MDGA2: variants seen among roughly 807,000 people sequenced by gnomAD.
MDGA2 encodes MAM domain-containing glycosylphosphatidylinositol anchor protein 2.
Under a neutral mutation model 117.8 loss-of-function variants are expected in MDGA2, and 40 were observed. That is an observed-to-expected ratio of 0.34 (90% CI 0.26 to 0.44). MDGA2 has a LOEUF of 0.44. MDGA2 is among the 20% of genes least tolerant of loss of function. The pLI is 1.00. For missense variants in MDGA2, 1,123 were observed against 1,250.6 expected (o/e 0.90, Z 1.54); for synonymous variants, 452 against 439.0 (o/e 1.03, Z -0.37).
At chr14:47,610,410 A>AATGAT (rs1896826029) in intron 1 of MDGA2, among the ~76,000 whole-genome samples, 5 of 152,110 alleles carry the variant, frequency 3.3e-5, no homozygotes, top group Non-Finnish European at 7.4e-5. Flanking sequence ...TTTATCGTGA[A>AATGAT]AACCCTAATG....
At chr14:47,328,340 A>C (rs549685712) in intron 1 of MDGA2, among the ~76,000 whole-genome samples, 1 of 152,152 alleles carries the variant, frequency 6.6e-6, no homozygotes, top group Non-Finnish European at 1.5e-5. Context: ...TAACTCAGGG[A>C]AACTTTAATG....
chr14:47,059,531 T>C (rs1430378467), intron 7 of MDGA2, among the ~76,000 whole-genome samples: 1 of 152,086 alleles, frequency 6.6e-6, no homozygotes, highest in Non-Finnish European at 1.5e-5. Context: ...ATATAACACA[T>C]AGTTTCAAAC....
chr14:47,604,739 G>A (rs1594939782), intron 1 of MDGA2, among the ~76,000 whole-genome samples: 1 of 152,036 alleles, frequency 6.6e-6, no homozygotes, highest in Non-Finnish European at 1.5e-5. Flanking sequence ...TTTAGTCTGG[G>A]CTGGTTCTAT....
rs548208005 is a variant in MDGA2 at position 47,600,701 on chromosome 14, G to T, written c.280+73816C>A. 2.0e-5 allele frequency among the ~76,000 whole-genome samples: 3 copies of T among 149,354 alleles called. No individual in the cohort carries two copies. The East Asian group carries it at 5.9e-4, about 29-fold the overall frequency. ...CTTGTCCTGGTAAACTACACGAGTTGTGTCTTTTCTCATCGGATCATTAAA... is the reference window on the plus strand; with the variant it reads ...CTTGTCCTGGTAAACTACACGAGTTTTGTCTTTTCTCATCGGATCATTAAA... On this transcript the variant is annotated intron_variant, in intron 1 of 16. Coordinates refer to ENST00000399232, the MANE Select transcript of MDGA2 (RefSeq NM_001113498.3).
At chr14:47,263,922 C>T (rs1264930294) in intron 2 of MDGA2, among the ~76,000 whole-genome samples, 1 of 152,066 alleles carries the variant, frequency 6.6e-6, no homozygotes, top group Non-Finnish European at 1.5e-5. Flanking sequence ...AACCTGTGAC[C>T]ACACTTACAT....
chr14:46,905,797 A>C (rs977503839), intron 10 of MDGA2, among the ~76,000 whole-genome samples: 1 of 152,090 alleles, frequency 6.6e-6, no homozygotes, highest in Admixed American at 6.5e-5. Flanking sequence ...GAAACAAAAC[A>C]AAACAAAAAA....
chr14:47,174,031 A>G lies in MDGA2; in HGVS notation c.596-29757T>C, dbSNP rs574342255. Among the ~76,000 whole-genome samples the G allele has an allele frequency of 2.6e-5, 4 of 152,324 alleles. No homozygotes were observed. The South Asian group carries it at 6.2e-4, about 24-fold the overall frequency. ...TGATAAAACAGACTTTAAACCAACAAAGATCAAAAGAGACAAAGAAGGCCA... is the reference window on the plus strand; with the variant it reads ...TGATAAAACAGACTTTAAACCAACAGAGATCAAAAGAGACAAAGAAGGCCA... On this transcript the variant is annotated intron_variant, in intron 3 of 16. Coordinates refer to ENST00000399232, the MANE Select transcript of MDGA2 (RefSeq NM_001113498.3).
At chr14:46,945,559 C>A (rs181595622) in intron 9 of MDGA2, among the ~76,000 whole-genome samples, 156 of 152,140 alleles carry the variant, frequency 1.0e-3, no homozygotes, top group African/African-American at 3.5e-3. Flanking sequence ...TCCTATGACC[C>A]TTCTTCTACA....
intron 1 of MDGA2, among the ~76,000 whole-genome samples, chr14:47,631,197 G>A (rs1897244907): frequency 6.6e-6 from 1 of 152,114 alleles, no homozygotes; most frequent in Non-Finnish European, 1.5e-5. Flanking sequence ...CACTGTTCTG[G>A]AGCATTTAAA....
At chr14:47,351,535 G>A (rs1890881813) in intron 1 of MDGA2, among the ~76,000 whole-genome samples, 1 of 152,140 alleles carries the variant, frequency 6.6e-6, no homozygotes, top group South Asian at 2.1e-4. Context: ...TCTTGGTTAA[G>A]GCTCAATAAG....
chr14:47,093,284 A>C (rs1879774677), intron 6 of MDGA2, among the ~76,000 whole-genome samples: 1 of 152,128 alleles, frequency 6.6e-6, no homozygotes, highest in East Asian at 1.9e-4. Flanking sequence ...GTGATTTTGA[A>C]TATACTACAG....
At chr14:47,432,774 G>C (rs982192188) in intron 1 of MDGA2, among the ~76,000 whole-genome samples, 2 of 152,058 alleles carry the variant, frequency 1.3e-5, no homozygotes, top group Non-Finnish European at 2.9e-5. Context: ...ATGAATTTCT[G>C]AAGGATGACA....
intron 6 of MDGA2, among the ~76,000 whole-genome samples, chr14:47,090,851 A>T (rs1441496987): frequency 6.6e-6 from 1 of 152,168 alleles, no homozygotes; most frequent in Non-Finnish European, 1.5e-5. Context: ...TGAGGAGTCC[A>T]GCTGTAGGAG....
chr14:47,521,536 T>A (rs554157723), intron 1 of MDGA2, among the ~76,000 whole-genome samples: 2 of 152,140 alleles, frequency 1.3e-5, no homozygotes, highest in Non-Finnish European at 2.9e-5. Flanking sequence ...TAATAATTTG[T>A]CCAAAGCACC....
intron 3 of MDGA2, among the ~76,000 whole-genome samples, chr14:47,204,495 T>C (rs1285828411): frequency 6.6e-6 from 1 of 152,044 alleles, no homozygotes; most frequent in African/African-American, 2.4e-5. Context: ...TACTTCATTT[T>C]AGGTATACTT....
At chr14:46,909,051 A>G (rs1883600598) in intron 10 of MDGA2, among the ~76,000 whole-genome samples, 1 of 152,122 alleles carries the variant, frequency 6.6e-6, no homozygotes, top group Admixed American at 6.6e-5. Flanking sequence ...ATTGCTTTCT[A>G]ACCGTTAATT....
At chr14:47,104,288 C>T (rs10146177) in intron 5 of MDGA2, among the ~76,000 whole-genome samples, 1 of 151,160 alleles carries the variant, frequency 6.6e-6, no homozygotes, top group African/African-American at 2.4e-5. Context: ...AATCACAAAA[C>T]AAGTGAATAT....
chr14:47,649,722 A>C (rs1313450395), intron 1 of MDGA2, among the ~76,000 whole-genome samples: 6 of 151,894 alleles, frequency 4.0e-5, no homozygotes, highest in African/African-American at 1.4e-4. Flanking sequence ...AAAAAACCCC[A>C]CAAATATATA....
chr14:47,118,805 C>G (rs188959302), intron 5 of MDGA2, among the ~76,000 whole-genome samples: 6 of 152,284 alleles, frequency 3.9e-5, no homozygotes, highest in South Asian at 2.1e-4. Flanking sequence ...GTGATCAGAG[C>G]TCACTGCAGC....
Sources: gnomAD v4.1 joint callset for allele counts (sites outside exome capture counted in the v4.1 genomes callset) on GRCh38, gnomAD v4.1.1 for gene constraint, MANE v1.5 for transcripts, NCBI Gene and HGNC (gene_info 2026-07-23, HGNC 2026-07-21) for gene names.